The following UXT variants were observed in gnomAD, a reference collection of about 807,000 sequenced individuals.
UXT encodes ubiquitously expressed prefoldin like chaperone, also known as protein UXT.
For missense variants in UXT, 111 were observed against 132.7 expected (o/e 0.84, Z 0.80); for synonymous variants, 54 against 52.8 (o/e 1.02, Z -0.10).
intron 4 of UXT, among the ~76,000 whole-genome samples, chrX:47,655,426 C>T (rs761960320): frequency 1.8e-5 from 2 of 112,209 alleles, no homozygotes; most frequent in Non-Finnish European, 3.8e-5. Context: ...TTTGGGTCCA[C>T]TAGCACCTGC....
intron 4 of UXT, among the ~76,000 whole-genome samples, chrX:47,652,372 A>C (rs1449846739): frequency 8.9e-6 from 1 of 111,969 alleles, no homozygotes; most frequent in Non-Finnish European, 1.9e-5. Flanking sequence ...AACAAACAAA[A>C]CTCCCGGCCT....
Position 47,658,928 on chromosome X carries a change from G to C in UXT, c.36C>G (p.Ile12Met), listed in dbSNP as rs770588121. The C allele has an allele frequency of 1.0e-5, 12 of 1,199,871 alleles. No individual in the cohort carries two copies. Among genetic ancestry groups the C allele is most frequent in the Non-Finnish European group, 1.4e-5 (12 of 888,074 alleles). Residue 12 changes from isoleucine to methionine, a missense_variant, in exon 1 of 6, where the codon ATC (isoleucine) becomes ATG (methionine). Ile to Met is a conservative substitution (Grantham distance 10). It adds an upstream start codon to the 5' untranslated region. Transcript: ENST00000335890. ...CCCGCCGCTTAGGGGGCGTCGCCAT[G>C]ATGGGCTCCTGGGGAGTGGGGAGGG...
In UXT at chrX:47,659,119, G is replaced by A. The variant is rs756348370; in HGVS notation, c.-156C>T. 1.4e-5 allele frequency: 12 copies of A among 833,160 alleles called. No individual in the cohort carries two copies. Among genetic ancestry groups the A allele is most frequent in the African/African-American group, 2.0e-5 (1 of 49,694 alleles). The allele number at this position is 833,160 out of a possible 1,213,427, so 68.7% of individuals were successfully genotyped here. On this transcript the variant is annotated 5_prime_UTR_variant, in exon 1 of 6. Coordinates refer to ENST00000335890, the MANE Select transcript of UXT (RefSeq NM_153477.3). ...ACACCCAAGCGCGGCCTTTACCTCA[G>A]GCCGCCAGCAATAAGAACGGTTGGT...
Position 47,657,765 on chromosome X carries a change from A to C in UXT, c.216+17T>G. 1.7e-6 allele frequency: 2 copies of C among 1,195,361 alleles called. No individual in the cohort carries two copies. The highest frequency in any genetic ancestry group is 2.3e-6 in the Non-Finnish European group (2 of 887,274). The stretch of plus-strand genomic sequence containing the variant: ...CACACATACCAAAAAAATGGTACCC[A>C]ATCCCATAGTCTTTACCTGGAGTCG... On this transcript the variant is annotated intron_variant, in intron 2 of 5. Transcript: ENST00000335890.
At chrX:47,651,998 G>A in intron 5 of UXT, 83 bp downstream of exon 6, 6 of 1,174,622 alleles carry the variant, frequency 5.1e-6, no homozygotes, top group Non-Finnish European at 6.9e-6. Flanking sequence ...AGGGAAAGAT[G>A]GTCCTTCCCT....
At chrX:47,651,995 G>A in intron 5 of UXT, 86 bp downstream of exon 6, 1 of 1,181,673 alleles carries the variant, frequency 8.5e-7, no homozygotes, top group Non-Finnish European at 1.1e-6. Flanking sequence ...TAGAGGGAAA[G>A]ATGGTCCTTC....
rs1432659113 is a variant in UXT, at chrX:47,654,239, C to T, written c.393-2095G>A. ...TTTTTTTTTTTGAGATGGAGTCTCA[C>T]TGTGTCGCCCAGGCTGGAGTGCAGT... On this transcript the variant is annotated intron_variant, in intron 4 of 5. Coordinates refer to ENST00000335890, the MANE Select transcript of UXT (RefSeq NM_153477.3). The T allele has an allele frequency of 1.9e-5, 4 of 213,671 alleles. 1 individual carries two copies. The highest frequency in any genetic ancestry group is 2.6e-5 in the Non-Finnish European group (4 of 152,200). The allele number at this position is 213,671 out of a possible 1,213,427, so 17.6% of individuals were successfully genotyped here. A position where few individuals can be genotyped will look rare whatever the true frequency, so the allele number is the denominator to read the frequency against.
At chrX:47,655,880 G>A (rs755802172) in intron 4 of UXT, among the ~76,000 whole-genome samples, 3 of 112,063 alleles carry the variant, frequency 2.7e-5, no homozygotes, top group Non-Finnish European at 3.8e-5. Context: ...GGCCACATGC[G>A]GTCCAGGACG....
At chrX:47,652,857 G>A (rs968229226) in intron 4 of UXT, among the ~76,000 whole-genome samples, 2 of 111,955 alleles carry the variant, frequency 1.8e-5, no homozygotes, top group African/African-American at 6.5e-5. Context: ...AGAGGAAGGA[G>A]GTTGAATTAC....
chrX:47,658,010 T>C (rs1603101006), intron 1 of UXT, 147 bp from the exon 3 acceptor site: 1 of 391,286 alleles, frequency 2.6e-6, no homozygotes, highest in Admixed American at 5.3e-5. Context: ...TGGGTCAGAC[T>C]GCCTGGGTTT....
intron 3 of UXT, 73 bp downstream of exon 4, chrX:47,657,498 CA>C: frequency 1.9e-6 from 2 of 1,072,696 alleles, no homozygotes; most frequent in Non-Finnish European, 1.3e-6. Flanking sequence ...AGAAGATACT[CA>C]AAAAAATATA....
At chrX:47,657,364 C>T in intron 3 of UXT, 74 bp from the exon 5 acceptor site, 3 of 936,551 alleles carry the variant, frequency 3.2e-6, no homozygotes, top group Non-Finnish European at 4.5e-6. Context: ...TTTTGCTCCC[C>T]ACCCTTCCCC....
intron 4 of UXT, 84 bp downstream of exon 5, chrX:47,657,099 T>C: frequency 2.4e-6 from 2 of 825,980 alleles, no homozygotes; most frequent in Non-Finnish European, 3.5e-6. Flanking sequence ...TCCTTAAGTA[T>C]CATTCCAGGC....
intron 4 of UXT, among the ~76,000 whole-genome samples, chrX:47,656,279 T>C (rs770052047): frequency 1.8e-5 from 2 of 111,939 alleles, no homozygotes; most frequent in South Asian, 3.7e-4. Flanking sequence ...TAGTATGCTA[T>C]GATCGCAGCT....
At chrX:47,657,353 G>C in intron 3 of UXT, 63 bp from the exon 5 acceptor site, 1 of 1,000,472 alleles carries the variant, frequency 1.0e-6, no homozygotes, top group Non-Finnish European at 1.4e-6. Context: ...CATAGTTTAT[G>C]TTTTGCTCCC....
chrX:47,657,749 CA>C (rs2058088483), intron 2 of UXT, 32 bp downstream of exon 3: 3 of 1,186,028 alleles, frequency 2.5e-6, no homozygotes, highest in Admixed American at 2.4e-5. Flanking sequence ...CCACACATAC[CA>C]AAAAAATGGT....
intron 2 of UXT, 22 bp from the exon 4 acceptor site, chrX:47,657,661 G>A: frequency 8.3e-7 from 1 of 1,204,087 alleles, no homozygotes; most frequent in African/African-American, 1.7e-5. Context: ...GGGAAAAAGA[G>A]GTAGGGGTCA....
At position 47,658,974 on chromosome X, in the gene UXT, CCA is replaced by C. The variant is rs773718076; in HGVS notation, c.-13_-12del. 8.3e-7 allele frequency: 1 copy of C among 1,210,517 alleles called. No individual in the cohort carries two copies. Among genetic ancestry groups the C allele is most frequent in the Non-Finnish European group, 1.1e-6 (1 of 895,076 alleles). On this transcript the variant is annotated 5_prime_UTR_variant, in exon 1 of 6. Coordinates refer to ENST00000335890, the MANE Select transcript of UXT (RefSeq NM_153477.3). ...GAGGGGGAAGACCATGTTGACCGAT[CCA>C]GTTTGGCCTCACACACAGTTCATCT...
chrX:47,655,999 T>C (rs1359992745), intron 4 of UXT, among the ~76,000 whole-genome samples: 1 of 111,753 alleles, frequency 8.9e-6, no homozygotes, highest in Non-Finnish European at 1.9e-5. Context: ...CATTAGTGTA[T>C]TTTATGTATG....
Sources: allele counts gnomAD v4.1 joint callset (sites outside exome capture counted in the v4.1 genomes callset), GRCh38; gene constraint gnomAD v4.1.1; transcripts MANE v1.5; gene names NCBI Gene and HGNC (gene_info 2026-07-23, HGNC 2026-07-21).